Variants in MTPAP observed in about 807,000 individuals in gnomAD.
MTPAP encodes mitochondrial poly(A) polymerase.
A neutral mutation model predicts 48.7 loss-of-function variants in MTPAP; 23 were observed. The ratio of observed to expected loss-of-function variants is 0.47; its 90% CI spans 0.34 to 0.67. The LOEUF is 0.67. Among genes scored for constraint, MTPAP ranks in the 30% least tolerant of loss-of-function variants. MTPAP has a pLI of 0.01. For synonymous variants in MTPAP, 257 were observed against 254.1 expected, an observed-to-expected ratio of 1.01 and a Z score of -0.11; for missense variants, 614 against 694.3, an observed-to-expected ratio of 0.88 and a Z score of 1.30.
At chr10:30,347,554 T>C (rs2260826) in intron 1 of MTPAP, among the ~76,000 whole-genome samples, 145,877 of 152,372 alleles carry the variant, frequency 0.96, 70,132 homozygotes, top group Non-Finnish European at 1. Flanking sequence ...AAAAGAAAAA[T>C]AGCAAAGCTA....
At chr10:30,325,667 A>G (rs1324998441) in intron 5 of MTPAP, among the ~76,000 whole-genome samples, 1 of 152,038 alleles carries the variant, frequency 6.6e-6, no homozygotes, top group Admixed American at 6.5e-5. Flanking sequence ...AATCGCTTGA[A>G]CCCAGGAGGT....
At chr10:30,318,970 A>T (rs1840692016) in intron 6 of MTPAP, among the ~76,000 whole-genome samples, 1 of 152,144 alleles carries the variant, frequency 6.6e-6, no homozygotes, top group South Asian at 2.1e-4. Context: ...CAGAGAGGAC[A>T]GCAAGAAAAG....
At chr10:30,314,032 C>G (rs2132841805) in intron 8 of MTPAP, 61 bp from the exon 9 acceptor site, 1 of 1,536,670 alleles carries the variant, frequency 6.5e-7, no homozygotes, top group Non-Finnish European at 8.9e-7. Flanking sequence ...AATATAAAAA[C>G]AGTTAACTCA....
chr10:30,326,728 G>T, intron 4 of MTPAP, 93 bp from the exon 5 acceptor site: 1 of 932,570 alleles, frequency 1.1e-6, no homozygotes. Context: ...AATCACTGCT[G>T]GAAAGCAAAA....
chr10:30,328,306 C>T (rs1468801294), intron 4 of MTPAP, among the ~76,000 whole-genome samples: 1 of 152,136 alleles, frequency 6.6e-6, no homozygotes, highest in South Asian at 2.1e-4. Flanking sequence ...AGGTTAGTGA[C>T]CAGAACTAAC....
intron 6 of MTPAP, among the ~76,000 whole-genome samples, chr10:30,319,332 T>C (rs1840695718): frequency 6.6e-6 from 1 of 152,216 alleles, no homozygotes; most frequent in Non-Finnish European, 1.5e-5. Context: ...TAGGAATTCA[T>C]GTTGCCTTCT....
At chr10:30,348,978 A>T in intron 1 of MTPAP, 141 bp downstream of exon 1, 2 of 1,247,118 alleles carry the variant, frequency 1.6e-6, no homozygotes, top group Non-Finnish European at 2.3e-6. Context: ...TACAGAGATC[A>T]GAGGAGAGGA....
At chr10:30,327,776 G>A (rs1306357887) in intron 4 of MTPAP, among the ~76,000 whole-genome samples, 2 of 150,468 alleles carry the variant, frequency 1.3e-5, no homozygotes, top group African/African-American at 4.9e-5. Context: ...AACCTGGAAG[G>A]TGGAGGTTGC....
chr10:30,346,475 A>C (rs1349028551), intron 1 of MTPAP, among the ~76,000 whole-genome samples: 1 of 152,230 alleles, frequency 6.6e-6, no homozygotes, highest in Non-Finnish European at 1.5e-5. Flanking sequence ...AGAGCTGAGC[A>C]CTGGCTTTAA....
chr10:30,348,639 A>G (rs1834898721), intron 1 of MTPAP, among the ~76,000 whole-genome samples: 1 of 152,180 alleles, frequency 6.6e-6, no homozygotes, highest in African/African-American at 2.4e-5. Flanking sequence ...AATAAAGTAA[A>G]CGGCAGTACA....
intron 1 of MTPAP, among the ~76,000 whole-genome samples, chr10:30,344,942 G>A (rs1357399262): frequency 6.6e-6 from 1 of 152,158 alleles, no homozygotes; most frequent in Non-Finnish European, 1.5e-5. Flanking sequence ...GACCTCAGGT[G>A]ATCCTCCTGC....
intron 6 of MTPAP, among the ~76,000 whole-genome samples, chr10:30,317,364 A>G (rs1316016157): frequency 1.3e-5 from 2 of 152,226 alleles, no homozygotes; most frequent in Non-Finnish European, 2.9e-5. Flanking sequence ...ATGCTAACTA[A>G]AAAAGCTTCA....
intron 5 of MTPAP, among the ~76,000 whole-genome samples, chr10:30,322,931 G>A (rs1428836370): frequency 6.6e-6 from 1 of 151,232 alleles, no homozygotes; most frequent in Non-Finnish European, 1.5e-5. Context: ...GAGGCCAGGA[G>A]TTCAAGGACA....
chr10:30,319,745 G>A lies in MTPAP; in HGVS notation c.1219+2646C>T, dbSNP rs151067323. ...CCATAGGTGATGGAAGGCAAAAAGT[G>A]TATTTTGCTTGGCATTTATTGGCAA... On this transcript the variant is annotated intron_variant, in intron 6 of 8. Transcript: ENST00000263063. Among the ~76,000 whole-genome samples the A allele has an allele frequency of 3.3e-4, 51 of 152,330 alleles. No individual in the cohort carries two copies. In the East Asian group the frequency reaches 9.6e-3, roughly 29 times the overall value.
chr10:30,316,983 T>C (rs973922663), intron 6 of MTPAP, among the ~76,000 whole-genome samples: 2 of 152,210 alleles, frequency 1.3e-5, no homozygotes, highest in Non-Finnish European at 2.9e-5. Context: ...TAATTATGAC[T>C]GAATGATTAA....
intron 8 of MTPAP, among the ~76,000 whole-genome samples, chr10:30,314,884 C>CAAAAAAAAAAAACAAA (rs1840641420): frequency 9.0e-6 from 1 of 110,746 alleles, no homozygotes; most frequent in African/African-American, 3.5e-5. Flanking sequence ...AAAACAAAAA[C>CAAAAAAAAAAAACAAA]AAAAAAAAAA....
rs528845809 is a variant in MTPAP, at chr10:30,349,100, G to A, written c.157+19C>T. 6 of 1,613,568 alleles carry A rather than the reference G, an allele frequency of 3.7e-6. 1 individual carries two copies. In the South Asian group the frequency reaches 5.5e-5, roughly 15 times the overall value. On this transcript the variant is annotated intron_variant, in intron 1 of 8. Transcript: ENST00000263063. The stretch of plus-strand genomic sequence containing the variant: ...CGCCCGCTGTGGGACGGAACTACAG[G>A]GCAAACCGGCGCCATCACCTGTCTC...
Position 30,341,440 on chromosome 10 carries a change from TAA to T in MTPAP, c.330+26_330+27del, listed in dbSNP as rs3837322. On this transcript the variant is annotated intron_variant, in intron 2 of 8. Transcript: ENST00000263063. Reference sequence around the variant, plus strand: ...CTCCACCCTTGAAAAGCATAAACGTTAAGTTAGATTGTTTTTCAAATACTTAC... The same window carrying T: ...CTCCACCCTTGAAAAGCATAAACGTTGTTAGATTGTTTTTCAAATACTTAC... 2,231 of 1,604,770 alleles carry T rather than the reference TAA, an allele frequency of 1.4e-3. 109 individuals carry two copies. The East Asian group carries it at 0.049, about 36-fold the overall frequency.
chr10:30,348,829 T>C, intron 1 of MTPAP: 1 of 459,638 alleles, frequency 2.2e-6, no homozygotes, highest in East Asian at 3.9e-5. Context: ...CGTCAAACTG[T>C]AAAGTGCAAG....
Sources: gnomAD v4.1 joint callset for allele counts (sites outside exome capture counted in the v4.1 genomes callset) on GRCh38, gnomAD v4.1.1 for gene constraint, MANE v1.5 for transcripts, NCBI Gene and HGNC (gene_info 2026-07-23, HGNC 2026-07-21) for gene names.